The following LRFN2 variants were observed in gnomAD, a reference collection of about 807,000 sequenced individuals.
LRFN2 encodes the protein leucine rich repeat and fibronectin type III domain containing 2, also known as leucine-rich repeat and fibronectin type-III domain-containing protein 2.
Under a neutral mutation model 37.3 loss-of-function variants are expected in LRFN2, and 18 were observed. The observed-to-expected ratio is 0.48, with a 90% confidence interval of 0.33 to 0.72. LRFN2 has a LOEUF of 0.72. Among genes scored for constraint, LRFN2 ranks in the 30% least tolerant of loss-of-function variants. The pLI, the probability that LRFN2 is intolerant of heterozygous loss-of-function variation, is 0.02. For synonymous variants in LRFN2, 556 were observed against 466.6 expected (o/e 1.19, Z -2.47); for missense variants, 1,006 against 1,060.7 (o/e 0.95, Z 0.72).
intron 1 of LRFN2, among the ~76,000 whole-genome samples, chr6:40,454,246 C>T (rs575724881): frequency 8.7e-4 from 133 of 152,238 alleles, no homozygotes; most frequent in Admixed American, 3.5e-3. Context: ...CACAGCCAAA[C>T]ACTGTTAGGG....
chr6:40,543,072 C>T (rs910721119), intron 1 of LRFN2, among the ~76,000 whole-genome samples: 1 of 152,238 alleles, frequency 6.6e-6, no homozygotes, highest in Non-Finnish European at 1.5e-5. Flanking sequence ...ACTTCCAGAG[C>T]CCCTGCCAGC....
At chr6:40,479,941 A>G (rs1330806095) in intron 1 of LRFN2, among the ~76,000 whole-genome samples, 10 of 152,248 alleles carry the variant, frequency 6.6e-5, no homozygotes, top group South Asian at 2.1e-4. Flanking sequence ...TCTAAGGCCT[A>G]CTTCTAGGAA....
intron 1 of LRFN2, among the ~76,000 whole-genome samples, chr6:40,437,414 A>G (rs186504958): frequency 6.6e-6 from 1 of 151,914 alleles, no homozygotes; most frequent in Non-Finnish European, 1.5e-5. Context: ...TTCCAGATGC[A>G]TACCCTGGAG....
chr6:40,415,092 G>A (rs565874212), intron 2 of LRFN2, among the ~76,000 whole-genome samples: 2 of 152,314 alleles, frequency 1.3e-5, no homozygotes, highest in Admixed American at 6.5e-5. Context: ...CACATCTGAG[G>A]CAAGGGACCA....
chr6:40,463,734 T>C (rs1764398331), intron 1 of LRFN2, among the ~76,000 whole-genome samples: 1 of 142,720 alleles, frequency 7.0e-6, no homozygotes, highest in South Asian at 2.3e-4. Flanking sequence ...TGGAGTGCAG[T>C]GGCACGATCA....
intron 1 of LRFN2, among the ~76,000 whole-genome samples, chr6:40,434,505 G>A (rs990449380): frequency 2.0e-5 from 3 of 148,886 alleles, no homozygotes; most frequent in Non-Finnish European, 4.4e-5. Context: ...TTGAGACGGA[G>A]TCTCACTCTG....
intron 1 of LRFN2, among the ~76,000 whole-genome samples, chr6:40,518,595 C>T (rs542660881): frequency 1.4e-3 from 210 of 152,264 alleles, no homozygotes; most frequent in Non-Finnish European, 1.3e-3. Flanking sequence ...CCTAGTAATG[C>T]CCCAGGAAAG....
At chr6:40,498,538 C>T (rs987602338) in intron 1 of LRFN2, among the ~76,000 whole-genome samples, 1 of 152,222 alleles carries the variant, frequency 6.6e-6, no homozygotes, top group African/African-American at 2.4e-5. Context: ...TGTAGACTTG[C>T]TCCCAAATGC....
chr6:40,522,042 T>C (rs960764596), intron 1 of LRFN2, among the ~76,000 whole-genome samples: 3 of 152,160 alleles, frequency 2.0e-5, no homozygotes, highest in Admixed American at 6.5e-5. Context: ...TGGGGTACTA[T>C]GGTGCTGCTC....
At chr6:40,567,934 C>T (rs868503692) in intron 1 of LRFN2, among the ~76,000 whole-genome samples, 1 of 152,190 alleles carries the variant, frequency 6.6e-6, no homozygotes, top group Admixed American at 6.5e-5. Flanking sequence ...TTCTTCAATG[C>T]CCCTAAACAG....
At chr6:40,412,099 CTG>C (rs1762982850) in intron 2 of LRFN2, among the ~76,000 whole-genome samples, 1 of 152,136 alleles carries the variant, frequency 6.6e-6, no homozygotes, top group Non-Finnish European at 1.5e-5. Context: ...CCTTGGCACA[CTG>C]TTCATTAGCT....
intron 1 of LRFN2, among the ~76,000 whole-genome samples, chr6:40,485,805 C>A (rs1008114987): frequency 2.0e-5 from 3 of 152,282 alleles, no homozygotes; most frequent in Admixed American, 1.3e-4. Flanking sequence ...GATTTAAGTG[C>A]CCCCAGAAGG....
At chr6:40,439,619 C>A (rs1010606667) in intron 1 of LRFN2, among the ~76,000 whole-genome samples, 1 of 152,188 alleles carries the variant, frequency 6.6e-6, no homozygotes, top group African/African-American at 2.4e-5. Flanking sequence ...CCAGCACATC[C>A]GCCTCCCTGC....
intron 1 of LRFN2, among the ~76,000 whole-genome samples, chr6:40,541,310 T>C (rs753447361): frequency 6.6e-6 from 1 of 152,152 alleles, no homozygotes; most frequent in African/African-American, 2.4e-5. Flanking sequence ...TGACCATTCA[T>C]GTGGGGCACA....
intron 1 of LRFN2, among the ~76,000 whole-genome samples, chr6:40,471,466 C>G (rs554326074): frequency 3.2e-4 from 49 of 152,282 alleles, no homozygotes; most frequent in Non-Finnish European, 5.9e-4. Flanking sequence ...CCAGTACACA[C>G]TGAACTGCCC....
rs191016380 is a variant in LRFN2, at chr6:40,537,757, G to A, written c.-19+49184C>T. ...CCCCACAGCCTCGGTGTCCAGTTAG[G>A]GACTAAGGGGACTCCCTCAGTGTTA... On this transcript the variant is annotated intron_variant, in intron 1 of 2. Transcript: ENST00000338305. Among the ~76,000 whole-genome samples, 339 of 152,218 alleles carry A rather than the reference G, an allele frequency of 2.2e-3. 1 individual carries two copies. Among genetic ancestry groups the A allele is most frequent in the Admixed American group, 3.6e-3 (55 of 15,300 alleles).
At chr6:40,453,512 A>C (rs1764163356) in intron 1 of LRFN2, among the ~76,000 whole-genome samples, 1 of 109,690 alleles carries the variant, frequency 9.1e-6, no homozygotes, top group African/African-American at 3.7e-5. Flanking sequence ...CCCCCAAGCC[A>C]AACACACACA....
intron 1 of LRFN2, among the ~76,000 whole-genome samples, chr6:40,530,117 G>A (rs1434012975): frequency 2.0e-5 from 3 of 152,148 alleles, no homozygotes; most frequent in Non-Finnish European, 4.4e-5. Flanking sequence ...AGAGACAGAC[G>A]CCCTCTCTTT....
chr6:40,466,943 GA>G (rs1561867296), intron 1 of LRFN2, among the ~76,000 whole-genome samples: 18 of 152,144 alleles, frequency 1.2e-4, no homozygotes, highest in African/African-American at 4.1e-4. Context: ...TATGGACATG[GA>G]CACACACAGA....
Sources: allele counts gnomAD v4.1 joint callset (sites outside exome capture counted in the v4.1 genomes callset), GRCh38; gene constraint gnomAD v4.1.1; transcripts MANE v1.5; gene names NCBI Gene and HGNC (gene_info 2026-07-23, HGNC 2026-07-21).